The following DPY19L2 variants were observed in gnomAD, a reference collection of about 807,000 sequenced individuals.
The protein encoded by DPY19L2 is dpy-19 like 2, also known as probable C-mannosyltransferase DPY19L2.
A neutral mutation model predicts 97.9 loss-of-function variants in DPY19L2; 34 were observed. That is an observed-to-expected ratio of 0.35 (90% CI 0.26 to 0.46). The LOEUF is 0.46. Ranked by LOEUF, DPY19L2 falls within the 20% of genes least tolerant of loss-of-function variation. DPY19L2 has a pLI of 1.00. For synonymous variants in DPY19L2, 230 were observed against 307.9 expected (o/e 0.75, Z 2.65); for missense variants, 623 against 911.4 (o/e 0.68, Z 4.07).
intron 11 of DPY19L2, among the ~76,000 whole-genome samples, chr12:63,611,170 C>T (rs971077855): frequency 6.6e-6 from 1 of 151,872 alleles, no homozygotes; most frequent in Non-Finnish European, 1.5e-5. Context: ...AGCCAAAGGG[C>T]ACATCAGGTA....
intron 6 of DPY19L2, among the ~76,000 whole-genome samples, chr12:63,634,072 G>C (rs1206132590): frequency 6.6e-6 from 1 of 151,192 alleles, no homozygotes; most frequent in Non-Finnish European, 1.5e-5. Context: ...GTAGGGTGCG[G>C]GGAAGGGGGA....
chr12:63,656,686 T>G (rs1895016499), intron 4 of DPY19L2, among the ~76,000 whole-genome samples: 1 of 152,138 alleles, frequency 6.6e-6, no homozygotes, highest in Non-Finnish European at 1.5e-5. Flanking sequence ...ATGCATATAT[T>G]AGAATATTTG....
chr12:63,568,419 A>G (rs945929868), intron 21 of DPY19L2, among the ~76,000 whole-genome samples: 6 of 151,996 alleles, frequency 3.9e-5, no homozygotes, highest in African/African-American at 1.2e-4. Flanking sequence ...CATTGAATAC[A>G]TTTTTCTTAA....
chr12:63,592,011 G>GAGGGGAGGGGAGGGGT (rs1883100488), intron 16 of DPY19L2, among the ~76,000 whole-genome samples: 1 of 6,792 alleles, frequency 1.5e-4, no homozygotes. Context: ...GAAGGGAGGG[G>GAGGGGAGGGGAGGGGT]AGGGGAGGGG....
intron 12 of DPY19L2, among the ~76,000 whole-genome samples, chr12:63,604,784 T>C (rs556728526): frequency 2.8e-4 from 42 of 152,290 alleles, no homozygotes; most frequent in African/African-American, 9.1e-4. Context: ...GTTTTTATGA[T>C]GACTGCTTTA....
rs1412409326 is a variant in DPY19L2 at position 63,668,259 on chromosome 12, C to G, written c.135G>C (p.Gly45=). The part of the protein sequence containing the change: ...EEMEKSALGG[G]KLPRGSWRSS... ...ACCTCCAGGAGCCCCTTGGCAGTTTCCCGCCGCCTAGGGCCGACTTTTCCA... is the reference window on the plus strand; with the variant it reads ...ACCTCCAGGAGCCCCTTGGCAGTTTGCCGCCGCCTAGGGCCGACTTTTCCA... Residue 45 remains glycine, a synonymous_variant, in exon 1 of 22, where the codon GGG becomes GGC. Coordinates refer to ENST00000324472, the MANE Select transcript of DPY19L2 (RefSeq NM_173812.5). 3 of 1,613,874 alleles carry G rather than the reference C, an allele frequency of 1.9e-6. No individual in the cohort carries two copies. The Admixed American group carries it at 5.0e-5, about 27-fold the overall frequency.
chr12:63,595,716 T>G (rs1652963445), intron 15 of DPY19L2, among the ~76,000 whole-genome samples: 1 of 152,186 alleles, frequency 6.6e-6, no homozygotes, highest in African/African-American at 2.4e-5. Flanking sequence ...TTTGTCCGGG[T>G]GTACCTACAA....
At position 63,640,824 on chromosome 12, in the gene DPY19L2, T is replaced by C. The variant is rs551202995; in HGVS notation, c.803+3579A>G. Among the ~76,000 whole-genome samples, 10 of 152,210 alleles carry C rather than the reference T, an allele frequency of 6.6e-5. No individual in the cohort carries two copies. The South Asian group carries it at 1.4e-3, about 22-fold the overall frequency. On this transcript the variant is annotated intron_variant, in intron 6 of 21. Transcript: ENST00000324472. ...TCATTGTTGTGTAACATTTTCCATA[T>C]GAAAAAACAAAAAAGATAAGAAATA... is the stretch of plus-strand genomic sequence containing the variant.
At chr12:63,573,817 G>C (rs1879333685) in intron 19 of DPY19L2, among the ~76,000 whole-genome samples, 1 of 152,074 alleles carries the variant, frequency 6.6e-6, no homozygotes. Context: ...TTTTACCTGA[G>C]AGTAGTGTAT....
intron 6 of DPY19L2, among the ~76,000 whole-genome samples, chr12:63,641,018 G>A (rs1219390057): frequency 2.0e-5 from 3 of 151,806 alleles, no homozygotes; most frequent in Admixed American, 1.3e-4. Context: ...TCAGCCTCCC[G>A]AGTAGCTGGG....
At chr12:63,665,996 C>G in intron 1 of DPY19L2, 137 bp from the exon 2 acceptor site, 1 of 846,086 alleles carries the variant, frequency 1.2e-6, no homozygotes, top group Non-Finnish European at 1.8e-6. Flanking sequence ...AATCCTGTCT[C>G]TAAGAGCATA....
chr12:63,663,137 A>G (rs1265762253), intron 3 of DPY19L2, among the ~76,000 whole-genome samples: 1 of 152,152 alleles, frequency 6.6e-6, no homozygotes, highest in African/African-American at 2.4e-5. Context: ...GCCAGTTTCA[A>G]TGCTTCACTA....
chr12:63,613,097 T>C (rs980083234), intron 11 of DPY19L2, among the ~76,000 whole-genome samples: 3 of 152,020 alleles, frequency 2.0e-5, no homozygotes, highest in Admixed American at 6.5e-5. Context: ...TCATAAGGAT[T>C]TTACACAAAT....
chr12:63,657,591 G>A (rs1230871223), intron 4 of DPY19L2, among the ~76,000 whole-genome samples: 1 of 151,540 alleles, frequency 6.6e-6, no homozygotes, highest in African/African-American at 2.4e-5. Context: ...TCTTTCACCA[G>A]CTTCACTGGA....
intron 4 of DPY19L2, among the ~76,000 whole-genome samples, chr12:63,660,400 T>C (rs1037068187): frequency 6.6e-6 from 1 of 151,746 alleles, no homozygotes; most frequent in East Asian, 1.9e-4. Context: ...ACATTCAGTA[T>C]GAGATCATTT....
chr12:63,645,150 T>G (rs953382686), intron 5 of DPY19L2, among the ~76,000 whole-genome samples: 4 of 152,136 alleles, frequency 2.6e-5, no homozygotes, highest in Non-Finnish European at 5.9e-5. Flanking sequence ...CAGAACAAGT[T>G]TATGATATTA....
intron 6 of DPY19L2, among the ~76,000 whole-genome samples, chr12:63,633,541 G>A (rs1266168): frequency 0.1 from 15,628 of 152,018 alleles, 1,053 homozygotes; most frequent in East Asian, 0.28. Flanking sequence ...TTAGAATGGC[G>A]ATCATTAAAA....
At chr12:63,664,294 G>A (rs1335547977) in intron 2 of DPY19L2, among the ~76,000 whole-genome samples, 2 of 151,950 alleles carry the variant, frequency 1.3e-5, no homozygotes, top group Non-Finnish European at 2.9e-5. Context: ...CAGAGATCAT[G>A]CCACTGCACT....
chr12:63,558,935 GT>G lies in DPY19L2; in HGVS notation c.*1576del, dbSNP rs1372884213. ...ACAAAAGTTGGAAATAATTTTATTAGTTTTTTAATGCATAAATCCAAACATA... is the reference window on the plus strand; with the variant it reads ...ACAAAAGTTGGAAATAATTTTATTAGTTTTTAATGCATAAATCCAAACATA... On this transcript the variant is annotated 3_prime_UTR_variant, in exon 22 of 22. Coordinates refer to ENST00000324472, the MANE Select transcript of DPY19L2 (RefSeq NM_173812.5). 1 of 152,104 alleles carries G rather than the reference GT, an allele frequency of 6.6e-6. No homozygotes were observed. Among genetic ancestry groups the G allele is most frequent in the African/African-American group, 2.4e-5 (1 of 41,424 alleles). 9.4% of individuals were successfully genotyped at this position (152,104 alleles called of 1,614,324 possible).
Sources: gnomAD v4.1 joint callset for allele counts (sites outside exome capture counted in the v4.1 genomes callset) on GRCh38, gnomAD v4.1.1 for gene constraint, MANE v1.5 for transcripts, NCBI Gene and HGNC (gene_info 2026-07-23, HGNC 2026-07-21) for gene names.